GFRA1: variants seen among roughly 807,000 people sequenced by gnomAD.
GFRA1 encodes the protein GDNF family receptor alpha 1.
GFRA1 carries 16 observed loss-of-function variants against 51.6 expected under a neutral mutation model. That is an observed-to-expected ratio of 0.31 (90% CI 0.21 to 0.47). The LOEUF is 0.47. Ranked by LOEUF, GFRA1 falls within the 20% of genes least tolerant of loss-of-function variation. The pLI is 1.00. For synonymous variants in GFRA1, 270 were observed against 241.3 expected (o/e 1.12, Z -1.10); for missense variants, 530 against 594.3 (o/e 0.89, Z 1.13).
intron 6 of GFRA1, among the ~76,000 whole-genome samples, chr10:116,100,825 C>T (rs553776948): frequency 2.0e-5 from 3 of 152,004 alleles, no homozygotes; most frequent in South Asian, 4.2e-4. Context: ...AACCGAGGGC[C>T]GGAAGAGGAG....
At chr10:116,167,992 C>A (rs374836796) in intron 5 of GFRA1, among the ~76,000 whole-genome samples, 1 of 152,000 alleles carries the variant, frequency 6.6e-6, no homozygotes, top group Admixed American at 6.6e-5. Context: ...ATATTGGGTA[C>A]GGTGTACACT....
At chr10:116,188,697 A>G (rs574146349) in intron 5 of GFRA1, among the ~76,000 whole-genome samples, 1 of 152,000 alleles carries the variant, frequency 6.6e-6, no homozygotes, top group Admixed American at 6.6e-5. Flanking sequence ...TGAGGTAAGG[A>G]GTTTGAGACC....
chr10:116,236,583 C>T (rs553721503), intron 4 of GFRA1, among the ~76,000 whole-genome samples: 3 of 152,092 alleles, frequency 2.0e-5, no homozygotes, highest in South Asian at 2.1e-4. Context: ...ATTGAATAAA[C>T]CCCTAATGTA....
chr10:116,228,907 G>A (rs1046866213), intron 4 of GFRA1, among the ~76,000 whole-genome samples: 1 of 145,570 alleles, frequency 6.9e-6, no homozygotes, highest in Non-Finnish European at 1.5e-5. Context: ...CTTGAACCCG[G>A]GAGATGCAGG....
intron 5 of GFRA1, among the ~76,000 whole-genome samples, chr10:116,146,214 T>A (rs1214025683): frequency 2.0e-5 from 3 of 152,152 alleles, no homozygotes; most frequent in Non-Finnish European, 4.4e-5. Flanking sequence ...TCTGAGCAGA[T>A]CCCAGGTTTT....
At chr10:116,184,514 G>A (rs780961436) in intron 5 of GFRA1, among the ~76,000 whole-genome samples, 17 of 152,216 alleles carry the variant, frequency 1.1e-4, no homozygotes, top group Admixed American at 4.6e-4. Flanking sequence ...AGGGACCTGC[G>A]GCCCTGGGTA....
chr10:116,143,321 AT>A (rs79351306), intron 5 of GFRA1, among the ~76,000 whole-genome samples: 4 of 130,080 alleles, frequency 3.1e-5, no homozygotes, highest in Non-Finnish European at 5.3e-5. Context: ...TGTCAGTTCA[AT>A]TTTTTTTTAA....
intron 5 of GFRA1, among the ~76,000 whole-genome samples, chr10:116,194,400 A>G (rs1037743727): frequency 6.6e-6 from 1 of 152,208 alleles, no homozygotes; most frequent in Non-Finnish European, 1.5e-5. Flanking sequence ...CCCTGTCTGC[A>G]GATGAACCCA....
intron 9 of GFRA1, among the ~76,000 whole-genome samples, chr10:116,083,639 C>A (rs1196010756): frequency 6.6e-6 from 1 of 152,132 alleles, no homozygotes; most frequent in Non-Finnish European, 1.5e-5. Flanking sequence ...TGGTCACAGC[C>A]AGTGGAGTCC....
intron 7 of GFRA1, among the ~76,000 whole-genome samples, chr10:116,094,582 T>C (rs1218579009): frequency 6.6e-6 from 1 of 152,198 alleles, no homozygotes; most frequent in Non-Finnish European, 1.5e-5. Context: ...TTCTCCTGGG[T>C]GGCCGACACC....
intron 5 of GFRA1, among the ~76,000 whole-genome samples, chr10:116,175,693 C>G (rs1033612706): frequency 2.0e-5 from 3 of 152,164 alleles, no homozygotes; most frequent in Non-Finnish European, 4.4e-5. Context: ...CACCCCTCAC[C>G]AAGGGACTGC....
intron 5 of GFRA1, among the ~76,000 whole-genome samples, chr10:116,133,067 T>C (rs961779674): frequency 7.2e-5 from 11 of 152,022 alleles, no homozygotes; most frequent in African/African-American, 2.7e-4. Flanking sequence ...CTGTTATTCA[T>C]TCTTTAACTT....
intron 6 of GFRA1, among the ~76,000 whole-genome samples, chr10:116,107,797 AATT>A (rs35756524): frequency 0.17 from 26,201 of 152,080 alleles, 2,274 homozygotes; most frequent in East Asian, 0.21. Context: ...AACACAGGTA[AATT>A]ATTATAGAAA....
intron 4 of GFRA1, among the ~76,000 whole-genome samples, chr10:116,216,817 C>T (rs1215215395): frequency 6.6e-6 from 1 of 152,018 alleles, no homozygotes; most frequent in Non-Finnish European, 1.5e-5. Context: ...TTTACTGGGA[C>T]CTAACTAACC....
chr10:116,273,414 T>C (rs561014956), upstream of GFRA1: 3 of 152,296 alleles, frequency 2.0e-5, no homozygotes, highest in South Asian at 4.2e-4. Flanking sequence ...TTAGTGGTTA[T>C]TGGAAGCGGC....
At chr10:116,084,603 G>A (rs1295932972) in intron 9 of GFRA1, among the ~76,000 whole-genome samples, 1 of 152,140 alleles carries the variant, frequency 6.6e-6, no homozygotes, top group Non-Finnish European at 1.5e-5. Context: ...CAAGGCTATA[G>A]CTCCCAATCC....
At chr10:116,259,786 C>T (rs899960097) in intron 4 of GFRA1, among the ~76,000 whole-genome samples, 59 of 152,218 alleles carry the variant, frequency 3.9e-4, no homozygotes, top group African/African-American at 1.3e-3. Flanking sequence ...AATCTAAGCT[C>T]TTCCAGGTAT....
chr10:116,238,223 A>G (rs1456969985), intron 4 of GFRA1, among the ~76,000 whole-genome samples: 1 of 152,166 alleles, frequency 6.6e-6, no homozygotes, highest in Non-Finnish European at 1.5e-5. Context: ...GCGTTTGACA[A>G]CAGGAGAGCC....
In GFRA1 at chr10:116,211,662, A is replaced by AT; in HGVS notation, c.419-18_419-17insA. On this transcript the variant is annotated splice_polypyrimidine_tract_variant and intron_variant, in intron 4 of 10. Transcript: ENST00000355422. ...GAAAAACATCTGCCAAGAAAGAAGA[A>AT]AAGTAGGGGAGGGGAGAGGGGAGAA... The AT allele has an allele frequency of 6.5e-7, 1 of 1,547,992 alleles. No individual in the cohort carries two copies. The highest frequency in any genetic ancestry group is 2.4e-5 in the East Asian group (1 of 40,902).
Sources: allele counts gnomAD v4.1 joint callset (sites outside exome capture counted in the v4.1 genomes callset), GRCh38; gene constraint gnomAD v4.1.1; transcripts MANE v1.5; gene names NCBI Gene and HGNC (gene_info 2026-07-23, HGNC 2026-07-21).